Variants in RBFOX1 observed in about 807,000 individuals in gnomAD.
RBFOX1 encodes RNA binding protein fox-1 homolog 1.
RBFOX1 carries 8 observed loss-of-function variants against 57.7 expected under a neutral mutation model. The ratio of observed to expected loss-of-function variants is 0.14; its 90% CI spans 0.08 to 0.25. The LOEUF is 0.25. RBFOX1 is among the 10% of genes least tolerant of loss of function. The pLI, the probability that RBFOX1 is intolerant of heterozygous loss-of-function variation, is 1.00. For missense variants in RBFOX1, 611 were observed against 548.5 expected (o/e 1.11, Z -1.14); for synonymous variants, 326 against 222.4 (o/e 1.47, Z -4.15).
intron 2 of RBFOX1, among the ~76,000 whole-genome samples, chr16:6,327,956 G>A (rs1337862275): frequency 6.6e-6 from 1 of 152,186 alleles, no homozygotes; most frequent in Non-Finnish European, 1.5e-5. Flanking sequence ...ACACTCAGAA[G>A]ACAGCTTCTG....
intron 2 of RBFOX1, among the ~76,000 whole-genome samples, chr16:6,427,146 C>G (rs2093952904): frequency 6.6e-6 from 1 of 152,158 alleles, no homozygotes. Context: ...TATAAATCTT[C>G]TTAAGTATAG....
intron 4 of RBFOX1, among the ~76,000 whole-genome samples, chr16:7,123,688 T>G (rs564518810): frequency 6.6e-6 from 1 of 152,134 alleles, no homozygotes; most frequent in Non-Finnish European, 1.5e-5. Context: ...AAAAGCCATA[T>G]GTTAGGAGCT....
intron 1 of RBFOX1, among the ~76,000 whole-genome samples, chr16:6,289,819 G>T (rs1299146273): frequency 1.3e-5 from 2 of 152,180 alleles, no homozygotes; most frequent in Admixed American, 1.3e-4. Context: ...ATCAGTAAAA[G>T]AGAGCAAATT....
rs961232926 is a variant in RBFOX1, at chr16:7,711,662, A to C, written c.*917A>C. The C allele has an allele frequency of 6.6e-6, 1 of 152,626 alleles. No individual in the cohort carries two copies. The highest frequency in any genetic ancestry group is 2.4e-5 in the African/African-American group (1 of 41,452). 9.5% of individuals were successfully genotyped at this position (152,626 alleles called of 1,614,324 possible). On this transcript the variant is annotated 3_prime_UTR_variant, in exon 16 of 16. Coordinates refer to ENST00000550418, the MANE Select transcript of RBFOX1 (RefSeq NM_018723.4). ...TTAAATTCTTTGTACCAGTTAAAAA[A>C]AATGTATAAAATTTACATCTGTGCA...
intron 3 of RBFOX1, among the ~76,000 whole-genome samples, chr16:5,715,565 C>T (rs1320055047): frequency 6.6e-6 from 1 of 152,186 alleles, no homozygotes; most frequent in African/African-American, 2.4e-5. Context: ...CTTGCCAGTG[C>T]TCAGGTATTG....
intron 2 of RBFOX1, among the ~76,000 whole-genome samples, chr16:6,478,429 A>ATATATATATTTT (rs1159954387): frequency 4.1e-5 from 1 of 24,606 alleles, no homozygotes; most frequent in Non-Finnish European, 7.8e-5. Context: ...ATATATATAT[A>ATATATATATTTT]TTTTTTTTTT....
intron 4 of RBFOX1, among the ~76,000 whole-genome samples, chr16:6,012,741 C>G (rs528385970): frequency 6.6e-6 from 1 of 152,298 alleles, no homozygotes; most frequent in Non-Finnish European, 1.5e-5. Context: ...CTTTATTCTT[C>G]CCTGCCCTGC....
intron 3 of RBFOX1, among the ~76,000 whole-genome samples, chr16:6,910,297 C>T (rs1049101855): frequency 6.6e-6 from 1 of 151,926 alleles, no homozygotes; most frequent in Non-Finnish European, 1.5e-5. Flanking sequence ...GAGTTGGGCA[C>T]AGAGAATCTT....
chr16:5,651,333 G>A (rs1567348209), intron 3 of RBFOX1, among the ~76,000 whole-genome samples: 1 of 152,052 alleles, frequency 6.6e-6, no homozygotes, highest in Non-Finnish European at 1.5e-5. Context: ...GATCACAGGA[G>A]TGAACCACCA....
At chr16:7,179,611 T>C (rs775785371) in intron 4 of RBFOX1, among the ~76,000 whole-genome samples, 2 of 152,110 alleles carry the variant, frequency 1.3e-5, no homozygotes, top group Non-Finnish European at 2.9e-5. Flanking sequence ...TTTTTATATA[T>C]TAAATTAGGA....
At chr16:7,148,451 C>G (rs1346990686) in intron 4 of RBFOX1, among the ~76,000 whole-genome samples, 2 of 152,328 alleles carry the variant, frequency 1.3e-5, no homozygotes, top group East Asian at 3.9e-4. Context: ...TTTAAAACCT[C>G]TTTTGCTGTT....
chr16:7,493,712 G>A (rs943550185), intron 4 of RBFOX1, among the ~76,000 whole-genome samples: 4 of 152,178 alleles, frequency 2.6e-5, no homozygotes, highest in Admixed American at 6.5e-5. Context: ...CAAAGAAACC[G>A]ATGATCCTCT....
intron 2 of RBFOX1, among the ~76,000 whole-genome samples, chr16:6,436,215 C>A (rs77266560): frequency 6.6e-6 from 1 of 152,080 alleles, no homozygotes; most frequent in African/African-American, 2.4e-5. Context: ...GTGATATTGA[C>A]CATGGGAATG....
intron 1 of RBFOX1, among the ~76,000 whole-genome samples, chr16:5,334,779 A>G (rs1408273170): frequency 6.6e-6 from 1 of 151,444 alleles, no homozygotes; most frequent in East Asian, 2.0e-4. Flanking sequence ...AAGATGGCCA[A>G]CCGTGGTCAT....
At chr16:7,538,226 C>G (rs1372057418) in intron 5 of RBFOX1, among the ~76,000 whole-genome samples, 1 of 152,142 alleles carries the variant, frequency 6.6e-6, no homozygotes, top group Non-Finnish European at 1.5e-5. Flanking sequence ...CTGGGCTTCA[C>G]TTGAATGGTT....
At chr16:5,556,633 G>T (rs574451996) in intron 2 of RBFOX1, among the ~76,000 whole-genome samples, 1 of 152,318 alleles carries the variant, frequency 6.6e-6, no homozygotes, top group South Asian at 2.1e-4. Flanking sequence ...CTCCCTCTTG[G>T]GAGAACCAGC....
chr16:5,982,009 A>C (rs1450710187), intron 4 of RBFOX1, among the ~76,000 whole-genome samples: 2 of 152,194 alleles, frequency 1.3e-5, no homozygotes, highest in African/African-American at 4.8e-5. Flanking sequence ...TCTGTTATCC[A>C]AGGAGTCTAT....
chr16:6,875,757 C>T lies in RBFOX1; in HGVS notation c.-15-176300C>T, dbSNP rs556118347. On this transcript the variant is annotated intron_variant, in intron 3 of 15. Coordinates refer to ENST00000550418, the MANE Select transcript of RBFOX1 (RefSeq NM_018723.4). Reference sequence around the variant, plus strand: ...TGGTGGCCCATGCCTGTAACAGCAGCACTTTGGGAGGCCATGACAGCAGGA... The same window carrying T: ...TGGTGGCCCATGCCTGTAACAGCAGTACTTTGGGAGGCCATGACAGCAGGA... Among the ~76,000 whole-genome samples the T allele has an allele frequency of 4.6e-5, 7 of 152,220 alleles. No homozygotes were observed. In the East Asian group the frequency reaches 9.7e-4, roughly 21 times the overall value.
intron 4 of RBFOX1, among the ~76,000 whole-genome samples, chr16:7,400,579 C>T (rs759628095): frequency 6.6e-6 from 1 of 152,154 alleles, no homozygotes; most frequent in Non-Finnish European, 1.5e-5. Context: ...ATTACCATCT[C>T]CCAGCAAGAA....
Sources: allele counts gnomAD v4.1 joint callset (sites outside exome capture counted in the v4.1 genomes callset), GRCh38; gene constraint gnomAD v4.1.1; transcripts MANE v1.5; gene names NCBI Gene and HGNC (gene_info 2026-07-23, HGNC 2026-07-21).